ERBB4: variants seen among roughly 807,000 people sequenced by gnomAD.
ERBB4 encodes receptor tyrosine-protein kinase erbB-4.
In ERBB4, 42 loss-of-function variants were observed where a neutral mutation model predicts 158.0. The ratio of observed to expected loss-of-function variants is 0.27; its 90% CI spans 0.21 to 0.34. The LOEUF is 0.34. ERBB4 is among the 10% of genes least tolerant of loss of function. The probability of loss-of-function intolerance (pLI) is 1.00; values close to 1 mark genes in which losing one functional copy is unlikely to be tolerated. For missense variants in ERBB4, 1,333 were observed against 1,624.1 expected (o/e 0.82, Z 3.08); for synonymous variants, 583 against 558.7 (o/e 1.04, Z -0.61).
intron 1 of ERBB4, among the ~76,000 whole-genome samples, chr2:212,438,879 A>G (rs1463024595): frequency 6.6e-6 from 1 of 152,152 alleles, no homozygotes; most frequent in African/African-American, 2.4e-5. Context: ...TCAAAGACAG[A>G]CAAATAGAAT....
intron 3 of ERBB4, among the ~76,000 whole-genome samples, chr2:211,944,563 A>C (rs1162908053): frequency 6.6e-6 from 1 of 152,000 alleles, no homozygotes; most frequent in African/African-American, 2.4e-5. Context: ...ATGAAAGCAA[A>C]ACCTTATCTG....
chr2:212,391,495 C>T (rs1033977193), intron 1 of ERBB4, among the ~76,000 whole-genome samples: 1 of 150,350 alleles, frequency 6.7e-6, no homozygotes, highest in South Asian at 2.1e-4. Flanking sequence ...TGAATTTTAA[C>T]CCCTAAACTA....
At chr2:212,127,804 T>A (rs2079988842) in intron 1 of ERBB4, among the ~76,000 whole-genome samples, 1 of 151,942 alleles carries the variant, frequency 6.6e-6, no homozygotes, top group Admixed American at 6.6e-5. Context: ...AGGGTAGAGC[T>A]ATGTACCTAC....
intron 3 of ERBB4, among the ~76,000 whole-genome samples, chr2:211,790,764 T>A (rs887609190): frequency 6.6e-6 from 1 of 151,986 alleles, no homozygotes; most frequent in African/African-American, 2.4e-5. Context: ...TGATGGGTAG[T>A]TTATTTATGT....
intron 3 of ERBB4, among the ~76,000 whole-genome samples, chr2:211,836,110 T>C (rs2077335375): frequency 6.6e-6 from 1 of 152,082 alleles, no homozygotes; most frequent in African/African-American, 2.4e-5. Flanking sequence ...AATATATATC[T>C]TGCCTTCTTG....
intron 3 of ERBB4, among the ~76,000 whole-genome samples, chr2:211,796,369 G>A (rs180796632): frequency 4.0e-5 from 6 of 151,878 alleles, no homozygotes; most frequent in African/African-American, 1.2e-4. Context: ...GCATTGATGG[G>A]CATTTGGATA....
At chr2:211,455,522 G>A (rs1386152290) in intron 20 of ERBB4, among the ~76,000 whole-genome samples, 2 of 152,088 alleles carry the variant, frequency 1.3e-5, no homozygotes, top group Admixed American at 6.6e-5. Flanking sequence ...AAAGGGAAAA[G>A]CTTCAAATGT....
At chr2:211,753,635 A>G (rs1430682388) in intron 4 of ERBB4, among the ~76,000 whole-genome samples, 2 of 151,950 alleles carry the variant, frequency 1.3e-5, no homozygotes, top group East Asian at 1.9e-4. Flanking sequence ...AGTCAGCTAC[A>G]TTCCTTAAAC....
At chr2:212,268,070 A>G (rs1323810561) in intron 1 of ERBB4, among the ~76,000 whole-genome samples, 2 of 151,854 alleles carry the variant, frequency 1.3e-5, no homozygotes, top group Non-Finnish European at 2.9e-5. Context: ...TGCCTGATGC[A>G]ATTTCTAGTT....
intron 3 of ERBB4, among the ~76,000 whole-genome samples, chr2:211,840,165 C>G (rs2218106): frequency 0.81 from 123,415 of 151,854 alleles, 50,452 homozygotes; most frequent in Non-Finnish European, 0.86. Flanking sequence ...AGAATCATGG[C>G]GTGGGTCTTT....
At chr2:212,176,010 T>C (rs908946556) in intron 1 of ERBB4, among the ~76,000 whole-genome samples, 3 of 152,026 alleles carry the variant, frequency 2.0e-5, no homozygotes, top group Non-Finnish European at 2.9e-5. Flanking sequence ...GCTAACAAAT[T>C]GCTTTTGTTC....
At chr2:211,679,310 C>T in intron 12 of ERBB4, 126 bp from the exon 13 acceptor site, 1 of 1,012,670 alleles carries the variant, frequency 9.9e-7, no homozygotes, top group Non-Finnish European at 1.5e-6. Context: ...ACTTTGGTGG[C>T]CTATCCCATC....
intron 25 of ERBB4, among the ~76,000 whole-genome samples, chr2:211,394,145 GGTTCCTGCTTTAA>G (rs1559124306): frequency 6.6e-6 from 1 of 151,834 alleles, no homozygotes. Context: ...TCACTTTACA[GGTTCCTGCTTTAA>G]GTTGCTGCTT....
In ERBB4 at chr2:212,381,820, ATTT is replaced by A. The variant is rs1307354066; in HGVS notation, c.82+156626_82+156628del. Among the ~76,000 whole-genome samples the A allele has an allele frequency of 2.6e-5, 4 of 151,482 alleles. 1 individual carries two copies. The South Asian group carries it at 6.2e-4, about 24-fold the overall frequency. On this transcript the variant is annotated intron_variant, in intron 1 of 27. Coordinates refer to ENST00000342788, the MANE Select transcript of ERBB4 (RefSeq NM_005235.3). ...AAAGTCAAAGCTCAGAATTGTAATT[ATTT>A]TTTGATATTTCAACTACCCAGAACT...
At chr2:212,134,367 A>G (rs188276874) in intron 1 of ERBB4, among the ~76,000 whole-genome samples, 1 of 152,076 alleles carries the variant, frequency 6.6e-6, no homozygotes, top group Non-Finnish European at 1.5e-5. Flanking sequence ...ATTTGTATCA[A>G]TGTTTTAAAA....
chr2:212,227,951 A>G (rs983799360), intron 1 of ERBB4, among the ~76,000 whole-genome samples: 4 of 152,196 alleles, frequency 2.6e-5, no homozygotes, highest in Non-Finnish European at 5.9e-5. Flanking sequence ...AGAGGCGGAG[A>G]GAACTCATGG....
rs1208192250 is a variant in ERBB4, at chr2:211,931,352, T to C, written c.421+16078A>G. ...TGTTATCTCTATGCCAGAAAATAAA[T>C]ACACACAGAACAATCAAACCCTAAT... On this transcript the variant is annotated intron_variant, in intron 3 of 27. Transcript: ENST00000342788. Among the ~76,000 whole-genome samples the C allele has an allele frequency of 3.3e-5, 5 of 152,102 alleles. No homozygotes were observed. In the East Asian group the frequency reaches 9.6e-4, roughly 29 times the overall value.
At chr2:211,403,446 T>C (rs1343297088) in intron 25 of ERBB4, among the ~76,000 whole-genome samples, 1 of 152,114 alleles carries the variant, frequency 6.6e-6, no homozygotes, top group African/African-American at 2.4e-5. Context: ...TTGGAGGCAT[T>C]GTCCAGCACT....
chr2:211,547,183 G>C (rs1380802358), intron 20 of ERBB4, among the ~76,000 whole-genome samples: 3 of 151,948 alleles, frequency 2.0e-5, no homozygotes, highest in African/African-American at 7.2e-5. Flanking sequence ...ATGGATGAAG[G>C]ACAAATGAAA....
Sources: gnomAD v4.1 joint callset for allele counts (sites outside exome capture counted in the v4.1 genomes callset) on GRCh38, gnomAD v4.1.1 for gene constraint, MANE v1.5 for transcripts, NCBI Gene and HGNC (gene_info 2026-07-23, HGNC 2026-07-21) for gene names.